Variants in TOP1MT observed in about 807,000 individuals in gnomAD.
TOP1MT encodes DNA topoisomerase I, mitochondrial.
In TOP1MT, 80 loss-of-function variants were observed where a neutral mutation model predicts 73.9. That is an observed-to-expected ratio of 1.08 (90% CI 0.90 to 1.30). The LOEUF (loss-of-function observed/expected upper bound fraction) is 1.30, where lower values mean the gene tolerates loss of function less well. TOP1MT is among the 50% of genes most tolerant of loss of function. The pLI, the probability that TOP1MT is intolerant of heterozygous loss-of-function variation, is 0.00. For synonymous variants in TOP1MT, 338 were observed against 326.4 expected (o/e 1.04, Z -0.38); for missense variants, 815 against 808.0 (o/e 1.01, Z -0.10).
intron 2 of TOP1MT, chr8:143,343,156 A>C: frequency 2.2e-6 from 1 of 456,134 alleles, no homozygotes; most frequent in South Asian, 1.5e-5. Flanking sequence ...ATCAGGCATG[A>C]GTGCCTGGGA....
Position 143,317,676 on chromosome 8 carries a change from G to A in TOP1MT, c.1330+47C>T, listed in dbSNP as rs777587347. 16 of 1,436,636 alleles carry A rather than the reference G, an allele frequency of 1.1e-5. No individual in the cohort carries two copies. The East Asian group carries it at 3.7e-4, about 33-fold the overall frequency. The allele number at this position is 1,436,636 out of a possible 1,614,324, so 89.0% of individuals were successfully genotyped here. On this transcript the variant is annotated intron_variant, in intron 10 of 13. Coordinates refer to ENST00000329245, the MANE Select transcript of TOP1MT (RefSeq NM_052963.3). The stretch of plus-strand genomic sequence containing the variant: ...CAGCCGGGGAGCCCGGTCTGGGGCA[G>A]GGGCCGTGCTCCCCCCGCGCTGAGT...
At chr8:143,319,143 T>C (rs1010162090) in intron 8 of TOP1MT, among the ~76,000 whole-genome samples, 12 of 152,248 alleles carry the variant, frequency 7.9e-5, no homozygotes, top group African/African-American at 2.9e-4. Flanking sequence ...AATTCATTCC[T>C]TAGGAATGAC....
In TOP1MT at chr8:143,326,143, C is replaced by G. The variant is rs1428294015; in HGVS notation, c.483+79G>C. On this transcript the variant is annotated intron_variant, in intron 4 of 13. Transcript: ENST00000329245. The stretch of plus-strand genomic sequence containing the variant: ...AAGGGGCTTCTCTAAGGCCACAGGC[C>G]TTTCTCAGTCTTTGGGCCAGGCCGG... 1.9e-6 allele frequency: 3 copies of G among 1,551,618 alleles called. No homozygotes were observed. The African/African-American group carries it at 4.1e-5, about 21-fold the overall frequency.
At chr8:143,345,423 C>T (rs186593722), upstream of TOP1MT, among the ~76,000 whole-genome samples, 5 of 152,298 alleles carry the variant, frequency 3.3e-5, no homozygotes, top group East Asian at 9.6e-4. Flanking sequence ...TGCTGGTCTC[C>T]GGAGGACACA....
At chr8:143,346,177 T>TAA (rs1817218068), upstream of TOP1MT, among the ~76,000 whole-genome samples, 1 of 152,016 alleles carries the variant, frequency 6.6e-6, no homozygotes, top group Non-Finnish European at 1.5e-5. Flanking sequence ...TGGCCAAGGG[T>TAA]TTGTTTCACC....
At chr8:143,334,932 G>T, upstream of TOP1MT, 1 of 1,258,382 alleles carries the variant, frequency 7.9e-7, no homozygotes. Context: ...GCCCCCAGCG[G>T]CCAGCCCCGC....
At chr8:143,324,653 C>T (rs763237369) in intron 5 of TOP1MT, 24 bp from the exon 6 acceptor site, 2 of 1,609,902 alleles carry the variant, frequency 1.2e-6, no homozygotes, top group Non-Finnish European at 8.5e-7. Context: ...ACGACCCAAA[C>T]ATAACTTGGA....
At chr8:143,355,914 TGCCC>T (rs1817400091) in intron 1 of TOP1MT, 1 of 152,230 alleles carries the variant, frequency 6.6e-6, no homozygotes, top group Admixed American at 6.5e-5. Context: ...ATTCCCTCAC[TGCCC>T]CATTTCACCT....
chr8:143,346,953 CTTTATTTATTTATTTATTTA>C (rs61391831), upstream of TOP1MT, among the ~76,000 whole-genome samples: 3 of 140,860 alleles, frequency 2.1e-5, no homozygotes, highest in Non-Finnish European at 4.6e-5. Flanking sequence ...AGCCTCACTT[CTTTATTTATTTATTTATTTA>C]TTTATTTATT....
chr8:143,359,414 A>G (rs1021512714), upstream of TOP1MT: 36 of 985,286 alleles, frequency 3.7e-5, no homozygotes, highest in Admixed American at 6.2e-5. Context: ...TCTGGGGCAG[A>G]AGACAGAGCG....
In TOP1MT at chr8:143,317,655, C is replaced by T. The variant is rs567947952; in HGVS notation, c.1330+68G>A. 122 of 1,426,044 alleles carry T rather than the reference C, an allele frequency of 8.6e-5. No homozygotes were observed. The Middle Eastern group carries it at 9.6e-4, about 11-fold the overall frequency. 88.3% of individuals were successfully genotyped at this position (1,426,044 alleles called of 1,614,324 possible). ...CGAGGCTCACTCAACAAGGGCCAGC[C>T]GGGGAGCCCGGTCTGGGGCAGGGGC... On this transcript the variant is annotated intron_variant, in intron 10 of 13. Coordinates refer to ENST00000329245, the MANE Select transcript of TOP1MT (RefSeq NM_052963.3).
upstream of TOP1MT, among the ~76,000 whole-genome samples, chr8:143,349,577 T>C (rs1211689067): frequency 6.6e-6 from 1 of 152,058 alleles, no homozygotes. Context: ...GGTCTGTGTG[T>C]ATGCCTGAAT....
Position 143,315,785 on chromosome 8 carries a change from C to A in TOP1MT, c.1495G>T (p.Ala499Ser). Reference sequence around the variant, plus strand: ...TCAGCCCTCGCCCTCCTCAGCTCTGCCCTGGCCTCAGCCACCTGCTCCTTC... The same window carrying A: ...TCAGCCCTCGCCCTCCTCAGCTCTGACCTGGCCTCAGCCACCTGCTCCTTC... ...AKKEQVAEAR[A>S]ELRRARAEHK... is the part of the protein sequence containing the mutation. Residue 499 changes from alanine (A) to serine (S), a missense_variant, in exon 12 of 14, where the codon GCA becomes TCA. By Grantham distance (99) the Ala-to-Ser change is moderately conservative (BLOSUM62 1). Transcript: ENST00000329245. 1 of 1,613,990 alleles carries A rather than the reference C, an allele frequency of 6.2e-7. No individual in the cohort carries two copies. Among genetic ancestry groups the A allele is most frequent in the Non-Finnish European group, 8.5e-7 (1 of 1,180,038 alleles).
At position 143,324,494 on chromosome 8, in the gene TOP1MT, C is replaced by T. The variant is rs980618054; in HGVS notation, c.807G>A (p.Ser269=). 3.1e-6 allele frequency: 5 copies of T among 1,613,956 alleles called. No individual in the cohort carries two copies. The Admixed American group carries it at 5.0e-5, about 16-fold the overall frequency. Residue 269 remains serine (S), a synonymous_variant, in exon 6 of 14, where the codon TCG becomes TCA. Transcript: ENST00000329245. ...CAAGCCCTGCGCTCACCTTCAGCTTCGAGCAAGGGTTCAGCATGATGTACT... is the reference window on the plus strand; with the variant it reads ...CAAGCCCTGCGCTCACCTTCAGCTTTGAGCAAGGGTTCAGCATGATGTACT... ...SIKYIMLNPC[S]KLKGETAWQK... is the part of the protein sequence containing the mutation.
chr8:143,336,528 C>T (rs547091422), upstream of TOP1MT, among the ~76,000 whole-genome samples: 11 of 152,236 alleles, frequency 7.2e-5, no homozygotes, highest in South Asian at 2.1e-4. Context: ...AAGAATAAGA[C>T]GAGGATGTCC....
intron 1 of TOP1MT, among the ~76,000 whole-genome samples, chr8:143,332,827 C>G (rs1418897524): frequency 6.6e-6 from 1 of 151,776 alleles, no homozygotes. Flanking sequence ...CAAGGCCAGC[C>G]TGGCCAACAT....
Position 143,332,628 on chromosome 8 carries a change from A to C in TOP1MT, c.123-1289T>G, listed in dbSNP as rs145333411. 3.3e-5 allele frequency: 41 copies of C among 1,237,882 alleles called. No individual in the cohort carries two copies. In the African/African-American group the frequency reaches 5.5e-4, roughly 17 times the overall value. The allele number at this position is 1,237,882 out of a possible 1,614,324, so 76.7% of individuals were successfully genotyped here. A position where few individuals can be genotyped will look rare whatever the true frequency, so the allele number is the denominator to read the frequency against. On this transcript the variant is annotated intron_variant, in intron 1 of 13. Transcript: ENST00000329245. ...TGAGAGGGGAAAGCATGTGCAACAG[A>C]CATTTCTGAAAGGGCCTTTCTGGCT...
At chr8:143,323,250 G>T (rs181351218) in intron 7 of TOP1MT, among the ~76,000 whole-genome samples, 15 of 28,180 alleles carry the variant, frequency 5.3e-4, no homozygotes, top group East Asian at 1.6e-3. Flanking sequence ...CACACACACA[G>T]GCACGCCACA....
chr8:143,317,778 G>T lies in TOP1MT; in HGVS notation c.1275C>A (p.Phe425Leu). The T allele has an allele frequency of 6.2e-7, 1 of 1,614,166 alleles. No homozygotes were observed. The highest frequency in any genetic ancestry group is 8.5e-7 in the Non-Finnish European group (1 of 1,180,030). Residue 425 changes from phenylalanine to leucine, a missense_variant, in exon 10 of 14, where the codon TTC becomes TTA. This residue lies in a region of TOP1MT where 751 missense variants were observed against 725.4 expected (regional missense o/e 1.04). Transcript: ENST00000329245. ...GAGTGATGGAGGCGTTGTAGGTCCG[G>T]AACACCTTGGCCGTCAGCCCGTCCA... ...ELMDGLTAKV[F>L]RTYNASITLQ...
Sources: allele counts gnomAD v4.1 joint callset (sites outside exome capture counted in the v4.1 genomes callset), GRCh38; gene constraint gnomAD v4.1.1; regional missense constraint gnomAD v4.1.1; transcripts MANE v1.5; gene names NCBI Gene and HGNC (gene_info 2026-07-23, HGNC 2026-07-21).